The following CCDC32 variants were observed in gnomAD, a reference collection of about 807,000 sequenced individuals.
CCDC32 encodes coiled-coil domain containing 32, also known as coiled-coil domain-containing protein 32.
CCDC32 carries 9 observed loss-of-function variants against 20.1 expected under a neutral mutation model. The observed-to-expected ratio is 0.45, with a 90% CI of 0.27 to 0.78. The LOEUF (loss-of-function observed/expected upper bound fraction) is 0.78, where lower values mean the gene tolerates loss of function less well. Among genes scored for constraint, CCDC32 ranks in the 30% least tolerant of loss-of-function variants. The probability of loss-of-function intolerance (pLI) is 0.16; values close to 1 mark genes in which losing one functional copy is unlikely to be tolerated. For synonymous variants in CCDC32, 63 were observed against 79.0 expected, an observed-to-expected ratio of 0.80 and a Z score of 1.07; for missense variants, 204 against 215.5, an observed-to-expected ratio of 0.95 and a Z score of 0.33.
chr15:40,535,475 AAGG>A (rs1212125104), downstream of CCDC32: 33 of 988,574 alleles, frequency 3.3e-5, no homozygotes, highest in South Asian at 9.3e-5. Context: ...TTATATTTTG[AAGG>A]AGTTTTTCCA....
downstream of CCDC32, among the ~76,000 whole-genome samples, chr15:40,530,910 A>T (rs770683696): frequency 6.6e-6 from 1 of 151,374 alleles, no homozygotes. Context: ...GGGTTTTGCC[A>T]TGTTGCCCAG....
chr15:40,528,052 T>G (rs1249819696), downstream of CCDC32, among the ~76,000 whole-genome samples: 1 of 152,232 alleles, frequency 6.6e-6, no homozygotes, highest in East Asian at 1.9e-4. Flanking sequence ...GGCAATAATC[T>G]TTTCAACAGA....
At chr15:40,539,881 C>CACACACACACACACA (rs1491175376) in intron 3 of CCDC32, among the ~76,000 whole-genome samples, 18 of 147,934 alleles carry the variant, frequency 1.2e-4, no homozygotes, top group South Asian at 2.2e-4. Flanking sequence ...CACACACACA[C>CACACACACACACACA]CCCGCTCCTT....
At position 40,539,397 on chromosome 15, in the gene CCDC32, CA is replaced by C. The variant is rs1566979464; in HGVS notation, c.402-43del. ...GACCGACAGAGACGAGGAAGATAGA[CA>C]GATACAGTCAGAGGCACACACTAAC... On this transcript the variant is annotated intron_variant, in intron 3 of 3. Coordinates refer to the CCDC32 transcript ENST00000558113. The C allele has an allele frequency of 3.3e-5, 49 of 1,471,372 alleles. No homozygotes were observed. The East Asian group carries it at 1.2e-3, about 36-fold the overall frequency. The allele number at this position is 1,471,372 out of a possible 1,614,324, so 91.1% of individuals were successfully genotyped here.
At chr15:40,523,210 A>G in the CCDC32 span, among the ~76,000 whole-genome samples, 2 of 151,592 alleles carry the variant, frequency 1.3e-5, no homozygotes, top group Admixed American at 6.6e-5. Context: ...TGTTACAAGA[A>G]AAGGTGGATA....
intron 3 of CCDC32, among the ~76,000 whole-genome samples, chr15:40,546,834 T>A (rs904705550): frequency 6.6e-6 from 1 of 152,028 alleles, no homozygotes; most frequent in East Asian, 1.9e-4. Flanking sequence ...GTGGAGTAGC[T>A]GGGACTACAG....
At chr15:40,528,226 C>G (rs1894924574), downstream of CCDC32, among the ~76,000 whole-genome samples, 1 of 152,230 alleles carries the variant, frequency 6.6e-6, no homozygotes, top group African/African-American at 2.4e-5. Flanking sequence ...CACACTTGGT[C>G]TTCTTTCTCC....
chr15:40,530,901 G>T (rs1055072739), downstream of CCDC32, among the ~76,000 whole-genome samples: 2 of 151,338 alleles, frequency 1.3e-5, no homozygotes, highest in Non-Finnish European at 3.0e-5. Context: ...GTAGAAACAG[G>T]GTTTTGCCAT....
intron 2 of CCDC32, among the ~76,000 whole-genome samples, chr15:40,561,607 T>C (rs1011929290): frequency 2.0e-5 from 3 of 152,088 alleles, no homozygotes; most frequent in African/African-American, 7.2e-5. Flanking sequence ...CAATGTCCAC[T>C]ACTTGGGTGA....
chr15:40,560,202 GT>G (rs1354907963), intron 2 of CCDC32, among the ~76,000 whole-genome samples: 1 of 152,140 alleles, frequency 6.6e-6, no homozygotes, highest in Non-Finnish European at 1.5e-5. Context: ...TAGAGACAGG[GT>G]TTCACCATGT....
chr15:40,546,958 C>G (rs1889645581), intron 3 of CCDC32, among the ~76,000 whole-genome samples: 2 of 152,156 alleles, frequency 1.3e-5, no homozygotes, highest in African/African-American at 4.8e-5. Context: ...CTGTCTCGGC[C>G]TCCCAAAGTG....
intron 3 of CCDC32, among the ~76,000 whole-genome samples, chr15:40,540,780 A>G (rs556019895): frequency 6.6e-6 from 1 of 152,330 alleles, no homozygotes; most frequent in South Asian, 2.1e-4. Context: ...CAGTAGAGTC[A>G]GTGCCCCTAA....
downstream of CCDC32, among the ~76,000 whole-genome samples, chr15:40,533,577 C>T (rs1210696683): frequency 6.6e-6 from 1 of 151,882 alleles, no homozygotes; most frequent in Non-Finnish European, 1.5e-5. Flanking sequence ...AACTGCTGAC[C>T]TTGTAATCCA....
chr15:40,539,840 C>CCACACACACACACACA (rs142688774), intron 3 of CCDC32, among the ~76,000 whole-genome samples: 3,892 of 134,496 alleles, frequency 0.029, 99 homozygotes, highest in East Asian at 0.058. Flanking sequence ...CAAACTGTTG[C>CCACACACACACACACA]CACACACACA....
Position 40,553,311 on chromosome 15 carries a change from G to T in CCDC32, c.*660C>A. 1 of 985,372 alleles carries T rather than the reference G, an allele frequency of 1.0e-6. No individual in the cohort carries two copies. 61.0% of individuals were successfully genotyped at this position (985,372 alleles called of 1,614,324 possible). On this transcript the variant is annotated 3_prime_UTR_variant, in exon 4 of 4. Transcript: ENST00000416810. ...GGAAGTTGGAGGAGAAGCCATGCAT[G>T]AAGTAAAAAATACATATACACAGAC...
downstream of CCDC32, chr15:40,535,651 C>T (rs1027538270): frequency 3.0e-6 from 3 of 985,120 alleles, no homozygotes; most frequent in African/African-American, 5.2e-5. Flanking sequence ...CTGAACAACA[C>T]ACCAGGCTCC....
chr15:40,557,077 A>G, intron 3 of CCDC32, 139 bp downstream of exon 3: 3 of 922,380 alleles, frequency 3.3e-6, no homozygotes, highest in Non-Finnish European at 3.2e-6. Flanking sequence ...ACTCTATTCA[A>G]TCTGTGACCA....
chr15:40,531,113 C>A (rs1205025228), downstream of CCDC32, among the ~76,000 whole-genome samples: 2 of 151,312 alleles, frequency 1.3e-5, no homozygotes, highest in Non-Finnish European at 3.0e-5. Context: ...TAAGTGGGAG[C>A]TAAATGTGTA....
At chr15:40,524,619 T>C (rs747095826), downstream of CCDC32, among the ~76,000 whole-genome samples, 1 of 151,972 alleles carries the variant, frequency 6.6e-6, no homozygotes, top group South Asian at 2.1e-4. Context: ...GTTGGGGCAA[T>C]TGGCTGCAAA....
Sources: gnomAD v4.1 joint callset for allele counts (sites outside exome capture counted in the v4.1 genomes callset) on GRCh38, gnomAD v4.1.1 for gene constraint, MANE v1.5 for transcripts, NCBI Gene and HGNC (gene_info 2026-07-23, HGNC 2026-07-21) for gene names.